The following FHIT variants were observed in gnomAD, a reference collection of about 807,000 sequenced individuals.
The protein encoded by FHIT is fragile histidine triad diadenosine triphosphatase.
In FHIT, 19 loss-of-function variants were observed where a neutral mutation model predicts 17.9. That is an observed-to-expected ratio of 1.06 (90% CI 0.74 to 1.56). The LOEUF (loss-of-function observed/expected upper bound fraction) is 1.56, where lower values mean the gene tolerates loss of function less well. Among genes scored for constraint, FHIT ranks in the 40% most tolerant of loss-of-function variants. The pLI, the probability that FHIT is intolerant of heterozygous loss-of-function variation, is 0.00. For missense variants in FHIT, 248 were observed against 189.2 expected, an observed-to-expected ratio of 1.31 and a Z score of -1.82; for synonymous variants, 81 against 69.7, an observed-to-expected ratio of 1.16 and a Z score of -0.81.
At chr3:60,666,392 C>G (rs1398055334) in intron 4 of FHIT, among the ~76,000 whole-genome samples, 1 of 152,158 alleles carries the variant, frequency 6.6e-6, no homozygotes, top group African/African-American at 2.4e-5. Flanking sequence ...ATAATTCTTT[C>G]AGTACTTGAA....
chr3:60,938,870 G>A (rs1024492663), intron 3 of FHIT, among the ~76,000 whole-genome samples: 13 of 152,074 alleles, frequency 8.5e-5, no homozygotes, highest in Middle Eastern at 3.2e-3. Flanking sequence ...CCTTTCTTTC[G>A]TTCTAAAAAC....
chr3:60,423,400 CAG>C (rs1305919529), intron 5 of FHIT, among the ~76,000 whole-genome samples: 1 of 152,074 alleles, frequency 6.6e-6, no homozygotes, highest in South Asian at 2.1e-4. Context: ...CAGTCAAAAA[CAG>C]AGCGTGAGAA....
chr3:60,724,365 A>T (rs1244936020), intron 4 of FHIT, among the ~76,000 whole-genome samples: 1 of 152,198 alleles, frequency 6.6e-6, no homozygotes, highest in Non-Finnish European at 1.5e-5. Context: ...ACCACATTTC[A>T]TTTATCCATT....
At chr3:59,856,869 GTATTT>G (rs1156780612) in intron 8 of FHIT, among the ~76,000 whole-genome samples, 1 of 105,608 alleles carries the variant, frequency 9.5e-6, no homozygotes, top group Non-Finnish European at 1.9e-5. Flanking sequence ...CCCCGGCTGA[GTATTT>G]TTTTTTTTTT....
intron 3 of FHIT, among the ~76,000 whole-genome samples, chr3:60,988,575 G>A (rs1436881029): frequency 6.6e-6 from 1 of 152,152 alleles, no homozygotes; most frequent in South Asian, 2.1e-4. Context: ...GAGATTTTAA[G>A]GGCAAATGAG....
At position 61,062,714 on chromosome 3, in the gene FHIT, A is replaced by G. The variant is rs549036938; in HGVS notation, c.-163-20615T>C. Among the ~76,000 whole-genome samples, 10 of 152,232 alleles carry G rather than the reference A, an allele frequency of 6.6e-5. No individual in the cohort carries two copies. In the South Asian group the frequency reaches 2.1e-3, roughly 32 times the overall value. ...GAGCAAATCTTGAGTGCAGAACTGA[A>G]TTTCTTGGAGCTGTATTGGTTACCT... is the stretch of plus-strand genomic sequence containing the variant. On this transcript the variant is annotated intron_variant, in intron 2 of 9. Transcript: ENST00000492590.
chr3:60,090,796 A>G (rs903146725), intron 5 of FHIT, among the ~76,000 whole-genome samples: 1 of 152,206 alleles, frequency 6.6e-6, no homozygotes, highest in African/African-American at 2.4e-5. Context: ...TAAGGAGACA[A>G]GTGTTACTAC....
At chr3:60,107,148 T>A (rs1477003870) in intron 5 of FHIT, among the ~76,000 whole-genome samples, 1 of 93,690 alleles carries the variant, frequency 1.1e-5, no homozygotes, top group Non-Finnish European at 2.0e-5. Flanking sequence ...AAAGCTTTAA[T>A]TCTTTTTTTT....
intron 3 of FHIT, among the ~76,000 whole-genome samples, chr3:60,909,526 G>T (rs6446162): frequency 0.96 from 146,962 of 152,302 alleles, 71,133 homozygotes; most frequent in East Asian, 1. Flanking sequence ...TATAGATGCT[G>T]TCTATACTTT....
rs553521969 is a variant in FHIT, at chr3:60,332,701, T to C, written c.103+204159A>G. Among the ~76,000 whole-genome samples, 7 of 152,306 alleles carry C rather than the reference T, an allele frequency of 4.6e-5. No homozygotes were observed. In the South Asian group the frequency reaches 1.5e-3, roughly 32 times the overall value. On this transcript the variant is annotated intron_variant, in intron 5 of 9. Transcript: ENST00000492590. ...TTGGGGAGAATCGTTTTCAACAATA[T>C]GAGGCTTTATATAACCAGCTTCTAC...
At chr3:59,863,375 G>A (rs571360589) in intron 8 of FHIT, among the ~76,000 whole-genome samples, 24 of 152,258 alleles carry the variant, frequency 1.6e-4, no homozygotes, top group African/African-American at 5.8e-4. Context: ...AAAACCATTG[G>A]GTATCCCTGA....
intron 4 of FHIT, among the ~76,000 whole-genome samples, chr3:60,792,949 G>A (rs577313708): frequency 2.0e-5 from 3 of 151,894 alleles, no homozygotes; most frequent in Admixed American, 6.6e-5. Context: ...TGGTCTTCAA[G>A]TAAGTACAGG....
chr3:59,856,635 G>A (rs749213626), intron 8 of FHIT, among the ~76,000 whole-genome samples: 1 of 152,170 alleles, frequency 6.6e-6, no homozygotes, highest in South Asian at 2.1e-4. Context: ...ATTACAGAAA[G>A]ATTTCATTAG....
chr3:60,776,116 G>A (rs1700209975), intron 4 of FHIT, among the ~76,000 whole-genome samples: 1 of 152,190 alleles, frequency 6.6e-6, no homozygotes, highest in South Asian at 2.1e-4. Flanking sequence ...AGTTTCGGTT[G>A]TGAAATCAAG....
intron 4 of FHIT, chr3:60,690,665 A>G: frequency 2.0e-6 from 1 of 497,774 alleles, no homozygotes; most frequent in South Asian, 1.6e-5. Context: ...AAGGAGACGC[A>G]GCCCAAGGGC....
chr3:60,220,839 A>T (rs1256628308), intron 5 of FHIT, among the ~76,000 whole-genome samples: 1 of 152,206 alleles, frequency 6.6e-6, no homozygotes, highest in Non-Finnish European at 1.5e-5. Context: ...GCAGTATTAG[A>T]AAAGAAAAGC....
At chr3:60,976,451 A>T (rs1479735929) in intron 3 of FHIT, among the ~76,000 whole-genome samples, 1 of 152,012 alleles carries the variant, frequency 6.6e-6, no homozygotes, top group Non-Finnish European at 1.5e-5. Context: ...CACCACCTCA[A>T]ATCCAGATCC....
intron 8 of FHIT, among the ~76,000 whole-genome samples, chr3:59,797,936 T>C (rs1009194476): frequency 2.0e-5 from 3 of 152,234 alleles, no homozygotes; most frequent in African/African-American, 7.2e-5. Context: ...CACAGGATTT[T>C]ATCAGCCTCA....
intron 5 of FHIT, among the ~76,000 whole-genome samples, chr3:60,218,553 T>G (rs978902150): frequency 1.3e-5 from 2 of 152,140 alleles, no homozygotes; most frequent in Admixed American, 1.3e-4. Flanking sequence ...CTTTAAACTT[T>G]CAAGGCAAAG....
Sources: allele counts gnomAD v4.1 joint callset (sites outside exome capture counted in the v4.1 genomes callset), GRCh38; gene constraint gnomAD v4.1.1; transcripts MANE v1.5; gene names NCBI Gene and HGNC (gene_info 2026-07-23, HGNC 2026-07-21).